DLG2: variants seen among roughly 807,000 people sequenced by gnomAD.
The protein encoded by DLG2 is disks large homolog 2.
DLG2 carries 45 observed loss-of-function variants against 132.5 expected under a neutral mutation model. The observed-to-expected ratio is 0.34, with a 90% CI of 0.27 to 0.44. The LOEUF (loss-of-function observed/expected upper bound fraction) is 0.44, where lower values mean the gene tolerates loss of function less well. Ranked by LOEUF, DLG2 falls within the 20% of genes least tolerant of loss-of-function variation. The pLI, the probability that DLG2 is intolerant of heterozygous loss-of-function variation, is 1.00. For missense variants in DLG2, 1,045 were observed against 1,196.9 expected, an observed-to-expected ratio of 0.87 and a Z score of 1.87; for synonymous variants, 424 against 419.6, an observed-to-expected ratio of 1.01 and a Z score of -0.13.
chr11:85,368,827 C>T (rs893248200), intron 3 of DLG2, among the ~76,000 whole-genome samples: 7 of 152,214 alleles, frequency 4.6e-5, no homozygotes, highest in South Asian at 2.1e-4. Flanking sequence ...CTGCCCACTG[C>T]GGTGGAACCG....
chr11:84,503,294 T>C (rs1205697420), intron 7 of DLG2, among the ~76,000 whole-genome samples: 1 of 152,192 alleles, frequency 6.6e-6, no homozygotes, highest in Non-Finnish European at 1.5e-5. Context: ...GTCAAATTAG[T>C]TACTATGTGT....
chr11:83,790,821 AC>A, intron 17 of DLG2: 1 of 753,762 alleles, frequency 1.3e-6, no homozygotes, highest in Non-Finnish European at 2.4e-6. Flanking sequence ...TTGAGAAGGA[AC>A]CACAGAGACT....
At chr11:83,546,338 G>C (rs778542444) in intron 19 of DLG2, among the ~76,000 whole-genome samples, 1 of 152,090 alleles carries the variant, frequency 6.6e-6, no homozygotes, top group Non-Finnish European at 1.5e-5. Flanking sequence ...AGGAGAGCTG[G>C]GTTTATGTCC....
At chr11:85,191,156 A>ACGCGCG in intron 4 of DLG2, among the ~76,000 whole-genome samples, 1 of 119,150 alleles carries the variant, frequency 8.4e-6, no homozygotes, top group East Asian at 2.4e-4. Flanking sequence ...GCGCGCGCGC[A>ACGCGCG]CGCGCGCACA....
At chr11:84,732,541 G>T (rs896572570) in intron 6 of DLG2, among the ~76,000 whole-genome samples, 2 of 151,576 alleles carry the variant, frequency 1.3e-5, no homozygotes, top group African/African-American at 4.8e-5. Context: ...TTTTCATGTG[G>T]TTTTTTTCCC....
chr11:84,248,855 T>C (rs563630736), intron 8 of DLG2, among the ~76,000 whole-genome samples: 20 of 152,220 alleles, frequency 1.3e-4, no homozygotes, highest in African/African-American at 4.3e-4. Flanking sequence ...GCCTGGGTGA[T>C]AGAGCAAGAC....
intron 3 of DLG2, among the ~76,000 whole-genome samples, chr11:85,347,525 T>C (rs887245933): frequency 6.6e-6 from 1 of 152,244 alleles, no homozygotes; most frequent in African/African-American, 2.4e-5. Flanking sequence ...AATCATTTAC[T>C]GTATGTCAAA....
At chr11:84,471,196 C>A (rs899128241) in intron 7 of DLG2, among the ~76,000 whole-genome samples, 2 of 151,738 alleles carry the variant, frequency 1.3e-5, no homozygotes, top group African/African-American at 4.8e-5. Flanking sequence ...TAGTAGTAGA[C>A]AAGAAGCCCC....
intron 17 of DLG2, among the ~76,000 whole-genome samples, chr11:83,815,817 A>G (rs1390872340): frequency 6.6e-6 from 1 of 152,210 alleles, no homozygotes; most frequent in East Asian, 1.9e-4. Context: ...GTCTGCTCAG[A>G]TTAAAGCAGT....
chr11:83,541,659 T>C, intron 20 of DLG2, 23 bp downstream of exon 20: 1 of 1,567,604 alleles, frequency 6.4e-7, no homozygotes, highest in Non-Finnish European at 8.6e-7. Context: ...AAGCAAATAT[T>C]CTAGTACAAA....
chr11:83,985,448 C>T (rs987066603), intron 11 of DLG2, among the ~76,000 whole-genome samples: 4 of 151,982 alleles, frequency 2.6e-5, no homozygotes, highest in African/African-American at 9.7e-5. Context: ...AAGATCAACC[C>T]ATCAATGTGA....
At chr11:84,068,104 CT>C (rs1244840838) in intron 10 of DLG2, among the ~76,000 whole-genome samples, 1 of 152,162 alleles carries the variant, frequency 6.6e-6, no homozygotes, top group East Asian at 1.9e-4. Context: ...AGGCCATTTT[CT>C]TCCATGTTGA....
chr11:84,762,380 T>G (rs1449897079), intron 6 of DLG2, among the ~76,000 whole-genome samples: 3 of 152,204 alleles, frequency 2.0e-5, no homozygotes, highest in Admixed American at 6.5e-5. Context: ...CTTAATACAA[T>G]GCTCGGAATC....
chr11:84,904,638 T>A (rs999728217), intron 6 of DLG2, among the ~76,000 whole-genome samples: 1 of 152,228 alleles, frequency 6.6e-6, no homozygotes, highest in Admixed American at 6.5e-5. Context: ...TTCCGTCATT[T>A]AGTTTTTCCT....
chr11:85,169,151 A>C (rs888506082), intron 4 of DLG2, among the ~76,000 whole-genome samples: 1 of 152,168 alleles, frequency 6.6e-6, no homozygotes, highest in Non-Finnish European at 1.5e-5. Context: ...GAACGCTATA[A>C]AAATAGTTGT....
intron 6 of DLG2, among the ~76,000 whole-genome samples, chr11:84,609,246 G>A (rs534241387): frequency 2.0e-5 from 3 of 152,092 alleles, no homozygotes; most frequent in South Asian, 2.1e-4. Context: ...TCTGTGCTTC[G>A]GTTTTCTTAT....
intron 6 of DLG2, among the ~76,000 whole-genome samples, chr11:84,688,414 C>A (rs1415408555): frequency 6.6e-6 from 1 of 152,114 alleles, no homozygotes; most frequent in Non-Finnish European, 1.5e-5. Flanking sequence ...TTTTAGAAGG[C>A]TTGGCATCAA....
chr11:84,365,460 C>A (rs1256033197), intron 7 of DLG2, among the ~76,000 whole-genome samples: 1 of 151,968 alleles, frequency 6.6e-6, no homozygotes, highest in Non-Finnish European at 1.5e-5. Flanking sequence ...TTCAAAAAAC[C>A]AGCTCCTGGA....
At chr11:84,678,635 T>A (rs1007605704) in intron 6 of DLG2, among the ~76,000 whole-genome samples, 8 of 152,106 alleles carry the variant, frequency 5.3e-5, no homozygotes, top group Non-Finnish European at 1.0e-4. Context: ...GCCTGGCACA[T>A]AATGATCACT....
Sources: gnomAD v4.1 joint callset for allele counts (sites outside exome capture counted in the v4.1 genomes callset) on GRCh38, gnomAD v4.1.1 for gene constraint, MANE v1.5 for transcripts, NCBI Gene and HGNC (gene_info 2026-07-23, HGNC 2026-07-21) for gene names.